SLC25A48: variants seen among roughly 807,000 people sequenced by gnomAD.
SLC25A48 encodes solute carrier family 25 member 48, also known as CTC-321K16.1.
SLC25A48 carries 29 observed loss-of-function variants against 32.2 expected under a neutral mutation model. The observed-to-expected ratio is 0.90, with a 90% CI of 0.67 to 1.23. The LOEUF is 1.23. Among genes scored for constraint, SLC25A48 ranks in the 50% most tolerant of loss-of-function variants. The pLI, the probability that SLC25A48 is intolerant of heterozygous loss-of-function variation, is 0.00. For missense variants in SLC25A48, 399 were observed against 422.7 expected, an observed-to-expected ratio of 0.94 and a Z score of 0.49; for synonymous variants, 164 against 172.3, an observed-to-expected ratio of 0.95 and a Z score of 0.38.
intron 3 of SLC25A48, among the ~76,000 whole-genome samples, chr5:135,771,599 T>C (rs1168101221): frequency 6.6e-6 from 1 of 151,650 alleles, no homozygotes; most frequent in African/African-American, 2.4e-5. Context: ...GGGAAGAGAA[T>C]GATATTACTC....
At chr5:135,695,579 C>G (rs1236259517) in intron 3 of SLC25A48, among the ~76,000 whole-genome samples, 1 of 152,120 alleles carries the variant, frequency 6.6e-6, no homozygotes, top group Non-Finnish European at 1.5e-5. Flanking sequence ...TCCCTTCAGC[C>G]CCTGCTCAAC....
intron 3 of SLC25A48, among the ~76,000 whole-genome samples, chr5:135,646,678 T>TATATATATATATATATACACAC (rs966073970): frequency 7.3e-6 from 1 of 136,754 alleles, no homozygotes; most frequent in African/African-American, 2.7e-5. Context: ...TATATATATA[T>TATATATATATATATATACACAC]ACAATGGGAA....
At chr5:135,872,010 A>T in intron 5 of SLC25A48, 4 of 1,300,034 alleles carry the variant, frequency 3.1e-6, no homozygotes, top group Non-Finnish European at 3.9e-6. Context: ...GAAATCCATT[A>T]TCATGGTTCA....
chr5:135,848,852 TAAAACTATTCAA>T (rs1363714082), intron 2 of SLC25A48, among the ~76,000 whole-genome samples: 1 of 152,220 alleles, frequency 6.6e-6, no homozygotes, highest in African/African-American at 2.4e-5. Context: ...CATATGTTTA[TAAAACTATTCAA>T]ATGGATGCTT....
chr5:135,830,479 G>T (rs1181549040), upstream of SLC25A48, among the ~76,000 whole-genome samples: 2 of 152,152 alleles, frequency 1.3e-5, no homozygotes, highest in Non-Finnish European at 2.9e-5. Context: ...CAGCTTTCCC[G>T]CCAGCTGCTT....
chr5:135,661,152 C>T (rs781307544), intron 3 of SLC25A48, among the ~76,000 whole-genome samples: 2 of 152,210 alleles, frequency 1.3e-5, no homozygotes, highest in African/African-American at 2.4e-5. Flanking sequence ...AAGAGGCAGG[C>T]CTCAGGAGTT....
At chr5:135,844,542 C>T (rs755570415) in intron 2 of SLC25A48, among the ~76,000 whole-genome samples, 1 of 152,190 alleles carries the variant, frequency 6.6e-6, no homozygotes, top group Non-Finnish European at 1.5e-5. Flanking sequence ...CTGTTTTTGC[C>T]ATTTCCTGAT....
At chr5:135,749,895 C>A (rs552140052) in intron 3 of SLC25A48, among the ~76,000 whole-genome samples, 1 of 152,152 alleles carries the variant, frequency 6.6e-6, no homozygotes, top group South Asian at 2.1e-4. Context: ...CCGGCCAGGA[C>A]CGCTTCTTAA....
intron 6 of SLC25A48, chr5:135,876,066 G>A (rs1361392624): frequency 6.8e-6 from 1 of 147,976 alleles, no homozygotes; most frequent in African/African-American, 2.5e-5. Context: ...GAGCTGCTCT[G>A]ACAGAAGGGT....
At chr5:135,864,359 G>A (rs1467691701) in intron 4 of SLC25A48, among the ~76,000 whole-genome samples, 2 of 152,182 alleles carry the variant, frequency 1.3e-5, no homozygotes, top group Non-Finnish European at 2.9e-5. Context: ...CTCCAGGCAG[G>A]TTGACCTTGG....
intron 3 of SLC25A48, among the ~76,000 whole-genome samples, chr5:135,762,603 C>T (rs747663193): frequency 3.3e-5 from 5 of 151,844 alleles, no homozygotes; most frequent in Admixed American, 6.6e-5. Flanking sequence ...TGTCTTGGGT[C>T]AGGGGATGTG....
At chr5:135,636,321 A>G (rs1212665008) in intron 3 of SLC25A48, among the ~76,000 whole-genome samples, 6 of 152,184 alleles carry the variant, frequency 3.9e-5, no homozygotes, top group African/African-American at 1.4e-4. Flanking sequence ...GAGACAAGTC[A>G]GCCAAGACTC....
intron 3 of SLC25A48, among the ~76,000 whole-genome samples, chr5:135,790,932 C>T (rs1475600136): frequency 7.5e-6 from 1 of 132,460 alleles, no homozygotes; most frequent in Non-Finnish European, 1.6e-5. Flanking sequence ...GGATGTTGCT[C>T]CTAATTTCAC....
In SLC25A48 at chr5:135,834,688, C is replaced by T; in HGVS notation, c.-160C>T. On this transcript the variant is annotated 5_prime_UTR_variant, in exon 1 of 8. Transcript: ENST00000681962. ...ACTTGGAGAGGTGAGCGCGGCAGCC[C>T]GCGCAGCCGGTGACTGGGGGACTGG... The T allele has an allele frequency of 1.3e-6, 1 of 774,210 alleles. No homozygotes were observed. The highest frequency in any genetic ancestry group is 2.0e-6 in the Non-Finnish European group (1 of 494,414). The allele number at this position is 774,210 out of a possible 1,614,324, so 48.0% of individuals were successfully genotyped here.
intron 3 of SLC25A48, among the ~76,000 whole-genome samples, chr5:135,707,128 A>G (rs541136168): frequency 6.6e-6 from 1 of 152,200 alleles, no homozygotes; most frequent in East Asian, 1.9e-4. Context: ...GAAGTGGGGT[A>G]GGGTGGAAGC....
chr5:135,643,389 T>G (rs1752885818), intron 3 of SLC25A48, among the ~76,000 whole-genome samples: 1 of 152,148 alleles, frequency 6.6e-6, no homozygotes, highest in African/African-American at 2.4e-5. Flanking sequence ...ATTCAGAATG[T>G]CAGTCAGCCA....
chr5:135,677,932 T>C (rs1173303277), intron 3 of SLC25A48, among the ~76,000 whole-genome samples: 1 of 152,184 alleles, frequency 6.6e-6, no homozygotes, highest in East Asian at 1.9e-4. Flanking sequence ...CCTTTTCTCT[T>C]GCTGTTTTTA....
chr5:135,876,131 C>CTT (rs1182130199), intron 6 of SLC25A48: 45 of 24,396 alleles, frequency 1.8e-3, no homozygotes, highest in South Asian at 3.4e-3. Flanking sequence ...TTTTCTTCTT[C>CTT]TTTTTTTTTT....
At chr5:135,720,031 T>C (rs1284828255) in intron 3 of SLC25A48, among the ~76,000 whole-genome samples, 1 of 152,230 alleles carries the variant, frequency 6.6e-6, no homozygotes, top group East Asian at 1.9e-4. Context: ...AAACCATTTG[T>C]TTTGTAAGCC....
Sources: allele counts gnomAD v4.1 joint callset (sites outside exome capture counted in the v4.1 genomes callset), GRCh38; gene constraint gnomAD v4.1.1; transcripts MANE v1.5; gene names NCBI Gene and HGNC (gene_info 2026-07-23, HGNC 2026-07-21).